SMCO2: variants seen among roughly 807,000 people sequenced by gnomAD.
The protein encoded by SMCO2 is single-pass membrane and coiled-coil domain-containing protein 2.
Under a neutral mutation model 29.5 loss-of-function variants are expected in SMCO2, and 25 were observed. That is an observed-to-expected ratio of 0.85 (90% CI 0.62 to 1.18). The LOEUF is 1.18. Among genes scored for constraint, SMCO2 ranks in the 50% most tolerant of loss-of-function variants. SMCO2 has a pLI of 0.00. For missense variants in SMCO2, 348 were observed against 344.5 expected (o/e 1.01, Z -0.08); for synonymous variants, 117 against 123.3 (o/e 0.95, Z 0.34).
At chr12:27,474,220 C>T (rs190434274) in intron 3 of SMCO2, among the ~76,000 whole-genome samples, 56 of 152,264 alleles carry the variant, frequency 3.7e-4, no homozygotes, top group East Asian at 3.1e-3. Context: ...CTTCAGAAAG[C>T]GTCTCTAAAA....
the SMCO2 span, among the ~76,000 whole-genome samples, chr12:27,459,435 T>C: frequency 6.6e-6 from 1 of 151,960 alleles, no homozygotes. Flanking sequence ...TACATATGGG[T>C]ACAAACAGGG....
chr12:27,477,106 T>A (rs867859877), intron 4 of SMCO2, among the ~76,000 whole-genome samples: 7 of 152,242 alleles, frequency 4.6e-5, no homozygotes, highest in Middle Eastern at 3.4e-3. Context: ...AAGCATTTCT[T>A]GTGGTGATGA....
intron 4 of SMCO2, among the ~76,000 whole-genome samples, chr12:27,484,536 A>G (rs1949671073): frequency 6.6e-6 from 1 of 152,156 alleles, no homozygotes; most frequent in Non-Finnish European, 1.5e-5. Flanking sequence ...TACTTTAAAG[A>G]TGCTGTTGAA....
intron 2 of SMCO2, 122 bp downstream of exon 2, chr12:27,470,887 T>A: frequency 2.7e-6 from 3 of 1,099,508 alleles, no homozygotes; most frequent in Non-Finnish European, 3.8e-6. Context: ...GTCTTCACTA[T>A]AATTTATCTA....
the SMCO2 span, among the ~76,000 whole-genome samples, chr12:27,460,369 G>T: frequency 2.0e-5 from 3 of 152,260 alleles, no homozygotes; most frequent in East Asian, 3.9e-4. Context: ...TAGACCAGAA[G>T]CCTTATCAAT....
At chr12:27,498,087 G>C in intron 7 of SMCO2, 1 of 302,740 alleles carries the variant, frequency 3.3e-6, no homozygotes, top group Non-Finnish European at 6.6e-6. Context: ...GAGGAATTGA[G>C]TGCTGCTTAG....
At chr12:27,473,690 T>G (rs1949560473) in intron 3 of SMCO2, among the ~76,000 whole-genome samples, 1 of 152,216 alleles carries the variant, frequency 6.6e-6, no homozygotes, top group Non-Finnish European at 1.5e-5. Context: ...TGAATGTTAG[T>G]TATTTCTATT....
chr12:27,435,040 C>A, the SMCO2 span, among the ~76,000 whole-genome samples: 1 of 151,976 alleles, frequency 6.6e-6, no homozygotes, highest in Non-Finnish European at 1.5e-5. Flanking sequence ...GCTGGGGTTC[C>A]CTAGCCAGGC....
At chr12:27,466,926 C>T (rs1038314410) in exon 1 of SMCO2, 1 of 152,222 alleles carries the variant, frequency 6.6e-6, no homozygotes, top group African/African-American at 2.4e-5. Context: ...TTCCATTGAA[C>T]TTACAGATAT....
chr12:27,492,720 A>G (rs767739402), intron 5 of SMCO2, among the ~76,000 whole-genome samples: 5 of 152,212 alleles, frequency 3.3e-5, no homozygotes, highest in Non-Finnish European at 7.3e-5. Flanking sequence ...GGGAACACTT[A>G]TACACAGTGG....
chr12:27,502,150 A>G, exon 8 of SMCO2: 1 of 1,460,050 alleles, frequency 6.8e-7, no homozygotes, highest in Non-Finnish European at 9.1e-7. Flanking sequence ...CACCCTACTG[A>G]CTTTCTCACC....
intron 4 of SMCO2, among the ~76,000 whole-genome samples, chr12:27,482,237 A>G (rs555705281): frequency 6.6e-6 from 1 of 152,266 alleles, no homozygotes; most frequent in South Asian, 2.1e-4. Context: ...AATACATTCT[A>G]ATGTCCCTTT....
At chr12:27,451,961 A>T in the SMCO2 span, among the ~76,000 whole-genome samples, 4 of 152,296 alleles carry the variant, frequency 2.6e-5, no homozygotes, top group African/African-American at 9.6e-5. Context: ...CACCTTATAT[A>T]TCCCTCTCTG....
chr12:27,472,310 A>G (rs1263273520), intron 2 of SMCO2, among the ~76,000 whole-genome samples: 2 of 152,186 alleles, frequency 1.3e-5, no homozygotes, highest in Non-Finnish European at 2.9e-5. Context: ...TTATTTATGC[A>G]TAGCATCTCT....
chr12:27,430,732 G>A, the SMCO2 span, among the ~76,000 whole-genome samples: 5 of 152,054 alleles, frequency 3.3e-5, no homozygotes, highest in Admixed American at 2.0e-4. Context: ...CCTATTACAC[G>A]TATTAATGTA....
At chr12:27,447,866 C>T in the SMCO2 span, among the ~76,000 whole-genome samples, 2 of 152,128 alleles carry the variant, frequency 1.3e-5, no homozygotes, top group Non-Finnish European at 2.9e-5. Context: ...TGTAGATGTA[C>T]TTTCTCTGGA....
At chr12:27,493,359 C>T (rs1461536248) in intron 5 of SMCO2, among the ~76,000 whole-genome samples, 1 of 151,910 alleles carries the variant, frequency 6.6e-6, no homozygotes, top group Non-Finnish European at 1.5e-5. Context: ...AGAAAGAAAC[C>T]TCATCTCTAC....
Position 27,499,263 on chromosome 12 carries a change from G to T in SMCO2, c.684-2660G>T, listed in dbSNP as rs1019755774. Among the ~76,000 whole-genome samples the T allele has an allele frequency of 1.6e-4, 24 of 150,996 alleles. 2 individuals are homozygous for T. Among genetic ancestry groups the T allele is most frequent in the Admixed American group, 3.3e-4 (5 of 15,210 alleles). Reference sequence around the variant, plus strand: ...TGAACTATTATTCAGCTGCAAAAAAGAATGATGTACTGATACATACCACAA... The same window carrying T: ...TGAACTATTATTCAGCTGCAAAAAATAATGATGTACTGATACATACCACAA... On this transcript the variant is annotated intron_variant, in intron 7 of 7. Transcript: ENST00000298876.
chr12:27,473,127 A>G (rs1949555597), intron 3 of SMCO2: 1 of 387,300 alleles, frequency 2.6e-6, no homozygotes, highest in African/African-American at 2.1e-5. Flanking sequence ...AGTGAATTAT[A>G]TGTTATTTTT....
Sources: gnomAD v4.1 joint callset for allele counts (sites outside exome capture counted in the v4.1 genomes callset) on GRCh38, gnomAD v4.1.1 for gene constraint, MANE v1.5 for transcripts, NCBI Gene and HGNC (gene_info 2026-07-23, HGNC 2026-07-21) for gene names.